ANO3: variants seen among roughly 807,000 people sequenced by gnomAD.
ANO3 encodes anoctamin-3.
A neutral mutation model predicts 144.8 loss-of-function variants in ANO3; 99 were observed. The observed-to-expected ratio is 0.68, with a 90% CI of 0.58 to 0.81. ANO3 has a LOEUF of 0.81. Ranked by LOEUF, ANO3 falls within the 30% of genes least tolerant of loss-of-function variation. The probability of loss-of-function intolerance (pLI) is 0.00; values close to 1 mark genes in which losing one functional copy is unlikely to be tolerated. For missense variants in ANO3, 905 were observed against 1,202.2 expected, an observed-to-expected ratio of 0.75 and a Z score of 3.66; for synonymous variants, 414 against 392.6, an observed-to-expected ratio of 1.05 and a Z score of -0.64.
chr11:26,630,840 A>C (rs1852754462), intron 18 of ANO3, among the ~76,000 whole-genome samples: 1 of 152,178 alleles, frequency 6.6e-6, no homozygotes, highest in African/African-American at 2.4e-5. Flanking sequence ...CTCACCAAGC[A>C]AGTTGAATTA....
chr11:26,368,899 G>A (rs962856452), intron 1 of ANO3, among the ~76,000 whole-genome samples: 2 of 151,272 alleles, frequency 1.3e-5, no homozygotes, highest in Admixed American at 6.6e-5. Context: ...TTTATAATAT[G>A]AATATAAATA....
At chr11:26,439,325 G>T (rs1022341117) in intron 1 of ANO3, among the ~76,000 whole-genome samples, 2 of 152,118 alleles carry the variant, frequency 1.3e-5, no homozygotes, top group Non-Finnish European at 2.9e-5. Context: ...TAGATAAATT[G>T]AACTTTATCA....
chr11:26,629,668 G>T (rs564346511), intron 18 of ANO3, among the ~76,000 whole-genome samples: 30 of 152,048 alleles, frequency 2.0e-4, no homozygotes, highest in African/African-American at 7.2e-4. Flanking sequence ...TTTTGCTCTT[G>T]TTGCCCAGGC....
intron 1 of ANO3, among the ~76,000 whole-genome samples, chr11:26,235,348 T>C (rs1270472133): frequency 1.3e-5 from 2 of 152,186 alleles, no homozygotes; most frequent in African/African-American, 4.8e-5. Flanking sequence ...CAAGTTACTA[T>C]TGATACAATT....
At chr11:26,373,550 C>T (rs934648385) in intron 1 of ANO3, among the ~76,000 whole-genome samples, 1 of 152,166 alleles carries the variant, frequency 6.6e-6, no homozygotes, top group African/African-American at 2.4e-5. Flanking sequence ...AGTGTGAAAA[C>T]AGATGAATAC....
In ANO3 at chr11:26,303,841, TC is replaced by T. The variant is rs540551468; in HGVS notation, c.155-5801del. ...TTCAAGTGATTCTCCTGCCTCAGCC[TC>T]CCAAGTAGCTGAGACTACAGGTGCC... is the stretch of plus-strand genomic sequence containing the variant. On this transcript the variant is annotated intron_variant, in intron 1 of 27. Transcript: ENST00000672621. 3.3e-3 allele frequency among the ~76,000 whole-genome samples: 506 copies of T among 152,266 alleles called. 1 individual carries two copies. The highest frequency in any genetic ancestry group is 0.012 in the African/African-American group (483 of 41,544).
chr11:26,331,794 G>T (rs1855049697), upstream of ANO3: 1 of 156,082 alleles, frequency 6.4e-6, no homozygotes, highest in South Asian at 2.0e-4. Context: ...CTCTGCATCT[G>T]CCACTGCATA....
chr11:26,509,329 T>C (rs1021647693), intron 5 of ANO3, among the ~76,000 whole-genome samples: 5 of 152,116 alleles, frequency 3.3e-5, no homozygotes, highest in African/African-American at 1.2e-4. Context: ...TCTTTTTTTT[T>C]CTGTGAGACT....
In ANO3 at chr11:26,643,278, C is replaced by T. The variant is rs1195680183; in HGVS notation, c.2372C>T (p.Ala791Val). 2 of 1,614,172 alleles carry T rather than the reference C, an allele frequency of 1.2e-6. No homozygotes were observed. Among genetic ancestry groups the T allele is most frequent in the Admixed American group, 1.7e-5 (1 of 60,024 alleles). Residue 791 changes from alanine to valine, a missense_variant, in exon 23 of 27, where the codon GCA (alanine) becomes GTA (valine). By Grantham distance (64) the Ala-to-Val change is moderately conservative. This residue lies in a region of ANO3 where 597 missense variants were observed against 865.1 expected (regional missense o/e 0.69). Transcript: ENST00000256737. ...AATATCATTGAAATCAGGCTGGATG[C>T]ATACAAATTTGTCACTCAATGGCGG... ...LNNIIEIRLDAYKFVTQWRRP... is the reference protein window; with the variant it reads ...LNNIIEIRLDVYKFVTQWRRP...
intron 4 of ANO3, among the ~76,000 whole-genome samples, chr11:26,486,214 A>G (rs1860440460): frequency 6.6e-6 from 1 of 152,016 alleles, no homozygotes; most frequent in East Asian, 1.9e-4. Context: ...TACAAAAATT[A>G]GCTGGATGTG....
At chr11:26,579,669 T>A (rs1171728843) in intron 14 of ANO3, among the ~76,000 whole-genome samples, 2 of 152,208 alleles carry the variant, frequency 1.3e-5, no homozygotes, top group Non-Finnish European at 1.5e-5. Context: ...TTTCTATTTA[T>A]CTGCCTCACT....
chr11:26,469,113 C>A (rs1859692875), intron 4 of ANO3, among the ~76,000 whole-genome samples: 1 of 152,022 alleles, frequency 6.6e-6, no homozygotes, highest in African/African-American at 2.4e-5. Context: ...ACTGAAAAGG[C>A]ATTATCCTCC....
At chr11:26,294,098 A>G (rs1854031465) in intron 1 of ANO3, among the ~76,000 whole-genome samples, 2 of 152,290 alleles carry the variant, frequency 1.3e-5, no homozygotes, top group South Asian at 4.1e-4. Context: ...ATAACAGTAG[A>G]AAGTGGGCCC....
In ANO3 at chr11:26,463,013, C is replaced by CTATAG; in HGVS notation, c.314-16_314-15insATAGT. ...AAACTATAGAAATGGATATAACTTT[C>CTATAG]TCTTTCTCTTTTATAGCCCTAGGAA... is the stretch of plus-strand genomic sequence containing the variant. On this transcript the variant is annotated splice_polypyrimidine_tract_variant and intron_variant, in intron 3 of 26. Coordinates refer to ENST00000256737, the MANE Select transcript of ANO3 (RefSeq NM_031418.4). 1 of 1,312,686 alleles carries CTATAG rather than the reference C, an allele frequency of 7.6e-7. No individual in the cohort carries two copies. Among genetic ancestry groups the CTATAG allele is most frequent in the Non-Finnish European group, 1.0e-6 (1 of 954,600 alleles). The allele number at this position is 1,312,686 out of a possible 1,614,324, so 81.3% of individuals were successfully genotyped here.
At chr11:26,280,081 C>T (rs1307220066) in intron 1 of ANO3, among the ~76,000 whole-genome samples, 1 of 152,102 alleles carries the variant, frequency 6.6e-6, no homozygotes, top group Non-Finnish European at 1.5e-5. Flanking sequence ...CAATTGTTAA[C>T]TCTTTCACAA....
rs562495251 is a variant in ANO3, at chr11:26,193,954, G to A, written c.154+4624G>A. On this transcript the variant is annotated intron_variant, in intron 1 of 27. Coordinates refer to the ANO3 transcript ENST00000672621. ...CTCTGCTACTAACTGCATGACTTCA[G>A]AAAGTTAAATGAATCACTCTGTGTT... is the stretch of plus-strand genomic sequence containing the variant. 4.5e-4 allele frequency among the ~76,000 whole-genome samples: 68 copies of A among 152,214 alleles called. 1 individual carries two copies. In the South Asian group the frequency reaches 0.012, roughly 26 times the overall value.
chr11:26,504,469 G>T (rs977267526), intron 4 of ANO3, among the ~76,000 whole-genome samples: 1 of 151,950 alleles, frequency 6.6e-6, no homozygotes, highest in Non-Finnish European at 1.5e-5. Flanking sequence ...TCTTACCTTC[G>T]TAAACTTTAT....
At chr11:26,541,153 G>A (rs554358431) in intron 10 of ANO3, among the ~76,000 whole-genome samples, 2 of 152,272 alleles carry the variant, frequency 1.3e-5, no homozygotes, top group South Asian at 4.1e-4. Flanking sequence ...CAGGGACATG[G>A]ATGAAGCTGG....
At chr11:26,424,031 A>G (rs900560847) in intron 1 of ANO3, among the ~76,000 whole-genome samples, 2 of 152,010 alleles carry the variant, frequency 1.3e-5, no homozygotes, top group African/African-American at 4.8e-5. Flanking sequence ...TGCATAAGAC[A>G]TATGAATTTG....
Sources: gnomAD v4.1 joint callset for allele counts (sites outside exome capture counted in the v4.1 genomes callset) on GRCh38, gnomAD v4.1.1 for gene constraint, gnomAD v4.1.1 regional missense constraint, MANE v1.5 for transcripts, NCBI Gene and HGNC (gene_info 2026-07-23, HGNC 2026-07-21) for gene names.